The following PAPOLA variants were observed in gnomAD, a reference collection of about 807,000 sequenced individuals.
PAPOLA encodes the protein poly(A) polymerase alpha.
PAPOLA carries 15 observed loss-of-function variants against 100.6 expected under a neutral mutation model. The observed-to-expected ratio is 0.15, with a 90% CI of 0.10 to 0.23. The LOEUF is 0.23. Ranked by LOEUF, PAPOLA falls within the 10% of genes least tolerant of loss-of-function variation. PAPOLA has a pLI of 1.00. For synonymous variants in PAPOLA, 293 were observed against 300.0 expected (o/e 0.98, Z 0.24); for missense variants, 533 against 884.2 (o/e 0.60, Z 5.04).
At chr14:96,555,490 C>T (rs72706855) in intron 17 of PAPOLA, among the ~76,000 whole-genome samples, 9,403 of 151,932 alleles carry the variant, frequency 0.062, 383 homozygotes, top group Middle Eastern at 0.1. Flanking sequence ...AGTAGCCAGC[C>T]GCCATATGTG....
chr14:96,521,471 ATATT>A (rs753585691), intron 3 of PAPOLA, among the ~76,000 whole-genome samples: 36 of 152,172 alleles, frequency 2.4e-4, no homozygotes, highest in African/African-American at 5.8e-4. Flanking sequence ...TTCAAACTGA[ATATT>A]TATTTATTTA....
intron 16 of PAPOLA, among the ~76,000 whole-genome samples, chr14:96,548,421 A>G (rs1459073568): frequency 6.6e-6 from 1 of 152,154 alleles, no homozygotes; most frequent in Non-Finnish European, 1.5e-5. Flanking sequence ...TTTGCATTAC[A>G]TTGTTCTAGT....
At chr14:96,546,707 A>G (rs971811478) in intron 15 of PAPOLA, among the ~76,000 whole-genome samples, 2 of 152,122 alleles carry the variant, frequency 1.3e-5, no homozygotes, top group African/African-American at 4.8e-5. Context: ...CATAGCCACA[A>G]ATAGTTCAGA....
At chr14:96,524,231 A>T (rs1007301534) in intron 3 of PAPOLA, among the ~76,000 whole-genome samples, 4 of 152,080 alleles carry the variant, frequency 2.6e-5, no homozygotes, top group African/African-American at 9.7e-5. Context: ...GTTTGGACAG[A>T]CCTTGTCATT....
At position 96,547,550 on chromosome 14, in the gene PAPOLA, G is replaced by C. The variant is rs111920422; in HGVS notation, c.1400-247G>C. On this transcript the variant is annotated intron_variant, in intron 15 of 21. Transcript: ENST00000216277. ...TTACTCTTTAGAGTTACTACTTTAA[G>C]AGCTATTTAAAGGGTTACTACACTG... 8.9e-4 allele frequency: 244 copies of C among 275,658 alleles called. 1 individual carries two copies. Among genetic ancestry groups the C allele is most frequent in the African/African-American group, 5.2e-3 (233 of 44,874 alleles). The allele number at this position is 275,658 out of a possible 1,614,324, so 17.1% of individuals were successfully genotyped here. A position where few individuals can be genotyped will look rare whatever the true frequency, so the allele number is the denominator to read the frequency against.
At chr14:96,541,928 C>T (rs1021528406) in intron 12 of PAPOLA, 3 of 184,806 alleles carry the variant, frequency 1.6e-5, no homozygotes, top group African/African-American at 7.1e-5. Flanking sequence ...TAGTGAACAG[C>T]TCTTTAATTT....
chr14:96,539,255 CAT>C (rs1899782945), intron 12 of PAPOLA, among the ~76,000 whole-genome samples: 5 of 152,032 alleles, frequency 3.3e-5, no homozygotes. Flanking sequence ...TTTATAATTT[CAT>C]GTGTGTATAC....
In PAPOLA at chr14:96,535,639, A is replaced by G. The variant is rs893931134; in HGVS notation, c.910-240A>G. 6 of 1,041,534 alleles carry G rather than the reference A, an allele frequency of 5.8e-6. No homozygotes were observed. In the Admixed American group the frequency reaches 1.9e-4, roughly 33 times the overall value. The allele number at this position is 1,041,534 out of a possible 1,614,324, so 64.5% of individuals were successfully genotyped here. A position where few individuals can be genotyped will look rare whatever the true frequency, so the allele number is the denominator to read the frequency against. Reference sequence around the variant, plus strand: ...ACTTTTTTGTTGTTGTTCAGCAGGCACACTTTCTAGTAAGGTTGCCAAAAT... The same window carrying G: ...ACTTTTTTGTTGTTGTTCAGCAGGCGCACTTTCTAGTAAGGTTGCCAAAAT... On this transcript the variant is annotated intron_variant, in intron 10 of 21. Coordinates refer to ENST00000216277, the MANE Select transcript of PAPOLA (RefSeq NM_032632.5).
intron 6 of PAPOLA, among the ~76,000 whole-genome samples, chr14:96,529,511 A>T (rs1898799048): frequency 6.6e-6 from 1 of 151,628 alleles, no homozygotes; most frequent in African/African-American, 2.4e-5. Context: ...TCACGAGGTC[A>T]GGAGATCAAG....
Position 96,555,996 on chromosome 14 carries a change from GT to G in PAPOLA, c.1765+52del, listed in dbSNP as rs372912251. On this transcript the variant is annotated intron_variant, in intron 18 of 21. Transcript: ENST00000216277. ...TTTGAGAATTCTTACATTATATTTG[GT>G]TTAGCCTTCATTTTGAAAAGTGGGT... 6.1e-5 allele frequency: 82 copies of G among 1,333,602 alleles called. No homozygotes were observed. The East Asian group carries it at 1.8e-3, about 29-fold the overall frequency. The allele number at this position is 1,333,602 out of a possible 1,614,324, so 82.6% of individuals were successfully genotyped here.
At position 96,518,144 on chromosome 14, in the gene PAPOLA, G is replaced by T. The variant is rs561469078; in HGVS notation, c.9-1911G>T. ...GATAAATCTGATTCATATTTATTCA[G>T]TAAATGTTATTATAAAATCTGAATT... On this transcript the variant is annotated intron_variant, in intron 1 of 21. Coordinates refer to ENST00000216277, the MANE Select transcript of PAPOLA (RefSeq NM_032632.5). 1.3e-4 allele frequency among the ~76,000 whole-genome samples: 20 copies of T among 152,294 alleles called. No homozygotes were observed. The South Asian group carries it at 2.3e-3, about 17-fold the overall frequency.
chr14:96,502,811 C>T (rs926085632), intron 1 of PAPOLA: 13 of 492,342 alleles, frequency 2.6e-5, no homozygotes, highest in Non-Finnish European at 4.1e-5. Flanking sequence ...CCGACCCTTC[C>T]TGGCTGGGTC....
chr14:96,527,922 G>C, intron 5 of PAPOLA, 31 bp from the exon 6 acceptor site: 1 of 1,535,102 alleles, frequency 6.5e-7, no homozygotes, highest in Non-Finnish European at 9.0e-7. Flanking sequence ...TGTAGTTTCA[G>C]AGACCCTGAA....
intron 1 of PAPOLA, among the ~76,000 whole-genome samples, chr14:96,508,023 G>T (rs985803938): frequency 6.6e-6 from 1 of 152,118 alleles, no homozygotes; most frequent in East Asian, 1.9e-4. Context: ...TTATAGGCCC[G>T]TGCCACCACG....
chr14:96,531,653 G>C, intron 7 of PAPOLA, 67 bp downstream of exon 7: 1 of 1,547,658 alleles, frequency 6.5e-7, no homozygotes, highest in Non-Finnish European at 8.7e-7. Context: ...TTTTACACAA[G>C]TTTTGTATTG....
chr14:96,527,842 C>T (rs1898627694), intron 5 of PAPOLA, 111 bp from the exon 6 acceptor site: 2 of 789,432 alleles, frequency 2.5e-6, no homozygotes, highest in Non-Finnish European at 4.6e-6. Context: ...ATCGAACAGC[C>T]CAGTCTTAAA....
At chr14:96,559,863 A>G (rs1716554732) in intron 19 of PAPOLA, among the ~76,000 whole-genome samples, 1 of 152,086 alleles carries the variant, frequency 6.6e-6, no homozygotes, top group South Asian at 2.1e-4. Flanking sequence ...TCTATAAAAT[A>G]TAAGTACCGT....
At chr14:96,535,188 TC>T in intron 10 of PAPOLA, 1 of 909,750 alleles carries the variant, frequency 1.1e-6, no homozygotes, top group Non-Finnish European at 1.3e-6. Flanking sequence ...GAATAAGATT[TC>T]CTAAGTTTAT....
chr14:96,506,199 C>T (rs1486156045), intron 1 of PAPOLA, among the ~76,000 whole-genome samples: 2 of 152,062 alleles, frequency 1.3e-5, no homozygotes, highest in East Asian at 1.9e-4. Context: ...CCACGGCGCC[C>T]GGCTGTCATT....
Sources: gnomAD v4.1 joint callset for allele counts (sites outside exome capture counted in the v4.1 genomes callset) on GRCh38, gnomAD v4.1.1 for gene constraint, MANE v1.5 for transcripts, NCBI Gene and HGNC (gene_info 2026-07-23, HGNC 2026-07-21) for gene names.